The following SORCS1 variants were observed in gnomAD, a reference collection of about 807,000 sequenced individuals.
SORCS1 encodes VPS10 domain-containing receptor SorCS1.
A neutral mutation model predicts 146.1 loss-of-function variants in SORCS1; 60 were observed. The ratio of observed to expected loss-of-function variants is 0.41; its 90% CI spans 0.33 to 0.51. The LOEUF (loss-of-function observed/expected upper bound fraction) is 0.51, where lower values mean the gene tolerates loss of function less well. SORCS1 is among the 20% of genes least tolerant of loss of function. SORCS1 has a pLI of 0.21. For synonymous variants in SORCS1, 637 were observed against 584.0 expected (o/e 1.09, Z -1.31); for missense variants, 1,352 against 1,487.6 (o/e 0.91, Z 1.50).
chr10:106,772,078 G>A (rs1284716090), intron 4 of SORCS1, among the ~76,000 whole-genome samples: 1 of 152,178 alleles, frequency 6.6e-6, no homozygotes, highest in Non-Finnish European at 1.5e-5. Context: ...GGGTATATCT[G>A]TAAGGGTTTT....
chr10:106,840,688 G>C (rs1298620359), intron 2 of SORCS1, among the ~76,000 whole-genome samples: 1 of 151,924 alleles, frequency 6.6e-6, no homozygotes. Flanking sequence ...GAAAGGAAGA[G>C]TCAATTCATG....
chr10:106,811,989 AGTTT>A (rs370856307), intron 3 of SORCS1, among the ~76,000 whole-genome samples: 132 of 151,484 alleles, frequency 8.7e-4, no homozygotes, highest in East Asian at 8.2e-3. Context: ...ATGGTTTCAG[AGTTT>A]GTTTGTTTGT....
intron 6 of SORCS1, among the ~76,000 whole-genome samples, chr10:106,725,930 C>T (rs60552686): frequency 5.6e-5 from 1 of 17,882 alleles, no homozygotes; most frequent in Admixed American, 6.1e-4. Flanking sequence ...GACTCTGTCT[C>T]AGGAAAAAAA....
chr10:106,963,983 T>C (rs942986065), intron 1 of SORCS1, among the ~76,000 whole-genome samples: 1 of 152,108 alleles, frequency 6.6e-6, no homozygotes, highest in African/African-American at 2.4e-5. Context: ...GTAAGAGAGA[T>C]GTAATCAAGA....
chr10:106,767,788 G>A (rs1453576907), intron 4 of SORCS1, among the ~76,000 whole-genome samples: 1 of 152,134 alleles, frequency 6.6e-6, no homozygotes, highest in Non-Finnish European at 1.5e-5. Context: ...ACCACGCCCG[G>A]CCCCTTAAAG....
At chr10:106,633,357 A>ATAACGAAATATAACGAAAT (rs1848546866) in intron 18 of SORCS1, among the ~76,000 whole-genome samples, 1 of 152,156 alleles carries the variant, frequency 6.6e-6, no homozygotes, top group Non-Finnish European at 1.5e-5. Flanking sequence ...TGAAATATAT[A>ATAACGAAATATAACGAAAT]ATAAATTATT....
intron 8 of SORCS1, among the ~76,000 whole-genome samples, chr10:106,699,830 C>T (rs2135746267): frequency 6.6e-6 from 1 of 152,236 alleles, no homozygotes; most frequent in South Asian, 2.1e-4. Flanking sequence ...GGCTCATGGA[C>T]CAGCAGCAAG....
chr10:106,719,191 G>T (rs1436332908), intron 6 of SORCS1, among the ~76,000 whole-genome samples: 1 of 152,192 alleles, frequency 6.6e-6, no homozygotes, highest in African/African-American at 2.4e-5. Context: ...AGAATGAAAA[G>T]TGGAAAGTGG....
chr10:106,850,406 C>A (rs1412603649), intron 2 of SORCS1, among the ~76,000 whole-genome samples: 1 of 152,154 alleles, frequency 6.6e-6, no homozygotes, highest in African/African-American at 2.4e-5. Context: ...TGACCCCTTG[C>A]ACTTCCCAGG....
Position 106,679,180 on chromosome 10 carries a change from T to G in SORCS1, c.1740+76A>C, listed in dbSNP as rs1271411090. The G allele has an allele frequency of 2.7e-6, 3 of 1,109,006 alleles. No homozygotes were observed. The East Asian group carries it at 7.2e-5, about 26-fold the overall frequency. The allele number at this position is 1,109,006 out of a possible 1,614,324, so 68.7% of individuals were successfully genotyped here. A position where few individuals can be genotyped will look rare whatever the true frequency, so the allele number is the denominator to read the frequency against. ...TTATGTGTAGCACCGCTGAAAAAAG[T>G]TCCCAGATTTGAACCAAGCTGGGCA... On this transcript the variant is annotated intron_variant, in intron 12 of 25. Transcript: ENST00000263054.
At chr10:106,983,248 AT>A (rs947954826) in intron 1 of SORCS1, among the ~76,000 whole-genome samples, 3 of 148,082 alleles carry the variant, frequency 2.0e-5, no homozygotes, top group Non-Finnish European at 4.5e-5. Flanking sequence ...AAATATACAT[AT>A]ACATATTTCT....
chr10:106,806,952 A>T (rs1408232808), intron 3 of SORCS1, among the ~76,000 whole-genome samples: 1 of 152,180 alleles, frequency 6.6e-6, no homozygotes, highest in African/African-American at 2.4e-5. Context: ...TGTGTATTTT[A>T]ATTCCCATAG....
chr10:106,723,389 T>C (rs929184015), intron 6 of SORCS1, among the ~76,000 whole-genome samples: 1 of 83,806 alleles, frequency 1.2e-5, no homozygotes, highest in Admixed American at 1.5e-4. Context: ...ACTGGGCTCC[T>C]ACGATGCACA....
chr10:106,838,232 G>GGTGGTGACTC (rs1432240303), intron 2 of SORCS1, among the ~76,000 whole-genome samples: 1 of 152,120 alleles, frequency 6.6e-6, no homozygotes, highest in African/African-American at 2.4e-5. Context: ...GGGACACTAG[G>GGTGGTGACTC]GTGGTGACTC....
At chr10:107,024,394 T>C (rs1003962288) in intron 1 of SORCS1, among the ~76,000 whole-genome samples, 3 of 152,028 alleles carry the variant, frequency 2.0e-5, no homozygotes, top group Admixed American at 6.6e-5. Context: ...CCAGCTCTCA[T>C]GGAAACTAAT....
chr10:107,027,463 G>A (rs558948332), intron 1 of SORCS1, among the ~76,000 whole-genome samples: 3 of 152,262 alleles, frequency 2.0e-5, no homozygotes, highest in South Asian at 2.1e-4. Context: ...CAGGCAATCC[G>A]TGTAACTCAG....
intron 1 of SORCS1, among the ~76,000 whole-genome samples, chr10:107,127,026 T>G (rs1966748727): frequency 6.6e-6 from 1 of 152,198 alleles, no homozygotes. Flanking sequence ...TTAACATGAT[T>G]TACAGATCTT....
rs12262103 is a variant in SORCS1 at position 106,939,312 on chromosome 10, C to G, written c.626+17201G>C. 6.5e-3 allele frequency among the ~76,000 whole-genome samples: 995 copies of G among 152,236 alleles called. 8 individuals are homozygous for G. Among genetic ancestry groups the G allele is most frequent in the African/African-American group, 0.023 (955 of 41,526 alleles). On this transcript the variant is annotated intron_variant, in intron 2 of 25. Coordinates refer to ENST00000263054, the MANE Select transcript of SORCS1 (RefSeq NM_052918.5). ...GAATAATGCAATGAATATAAATTTC[C>G]CAATTAATTTGGTTTAGGATTGGAG...
intron 1 of SORCS1, among the ~76,000 whole-genome samples, chr10:107,035,277 AACAAAAAAAAAAAC>A (rs1958856457): frequency 2.3e-5 from 1 of 43,214 alleles, no homozygotes; most frequent in African/African-American, 6.9e-5. Flanking sequence ...AAAAAAAAAC[AACAAAAAAAAAAAC>A]ACAGAAAAAC....
Sources: gnomAD v4.1 joint callset for allele counts (sites outside exome capture counted in the v4.1 genomes callset) on GRCh38, gnomAD v4.1.1 for gene constraint, MANE v1.5 for transcripts, NCBI Gene and HGNC (gene_info 2026-07-23, HGNC 2026-07-21) for gene names.